GNE: variants seen among roughly 807,000 people sequenced by gnomAD.
GNE encodes the protein glucosamine (UDP-N-acetyl)-2-epimerase/N-acetylmannosamine kinase, also known as bifunctional UDP-N-acetylglucosamine 2-epimerase/N-acetylmannosamine kinase.
A neutral mutation model predicts 61.8 loss-of-function variants in GNE; 41 were observed. That is an observed-to-expected ratio of 0.66 (90% CI 0.52 to 0.86). The LOEUF (loss-of-function observed/expected upper bound fraction) is 0.86, where lower values mean the gene tolerates loss of function less well. Among genes scored for constraint, GNE ranks in the 40% least tolerant of loss-of-function variants. The pLI is 0.00. For synonymous variants in GNE, 264 were observed against 326.4 expected, an observed-to-expected ratio of 0.81 and a Z score of 2.06; for missense variants, 608 against 909.1, an observed-to-expected ratio of 0.67 and a Z score of 4.26.
chr9:36,245,247 G>A (rs1829820862), intron 3 of GNE, among the ~76,000 whole-genome samples: 1 of 151,920 alleles, frequency 6.6e-6, no homozygotes, highest in Non-Finnish European at 1.5e-5. Flanking sequence ...CTGGATGACA[G>A]AGCAAGACTC....
At chr9:36,264,674 C>G (rs762842521) in intron 1 of GNE, among the ~76,000 whole-genome samples, 4 of 152,120 alleles carry the variant, frequency 2.6e-5, no homozygotes, top group Non-Finnish European at 5.9e-5. Context: ...ATCCCTAGGC[C>G]TAGTTAGGAA....
At chr9:36,261,517 C>T (rs954880583), upstream of GNE, among the ~76,000 whole-genome samples, 3 of 147,650 alleles carry the variant, frequency 2.0e-5, no homozygotes, top group African/African-American at 7.6e-5. Context: ...CGTGCCACTG[C>T]ACTCCAGCCT....
At chr9:36,230,805 AG>A (rs11320858) in intron 5 of GNE, among the ~76,000 whole-genome samples, 126 of 152,166 alleles carry the variant, frequency 8.3e-4, no homozygotes, top group African/African-American at 2.9e-3. Flanking sequence ...TCTTGACCCA[AG>A]CTAGGGTCGA....
chr9:36,246,099 C>G lies in GNE; in HGVS notation c.548G>C (p.Cys183Ser), dbSNP rs1220463521. ...TGAGAGAAGTTTGTCATAGGAAGGG[C>G]AGCCTGCCAAAAGGATGCGATCATG... ...EDHDRILLAG[C>S]PSYDKLLSAK... The change falls in exon 3 of 12, where the codon TGC (cysteine) becomes TCC (serine). Residue 183 changes from cysteine (C) to serine (S), a missense_variant. Transcript: ENST00000642385. 1.2e-6 allele frequency: 2 copies of G among 1,614,210 alleles called. No homozygotes were observed. Among genetic ancestry groups the G allele is most frequent in the Non-Finnish European group, 1.7e-6 (2 of 1,180,028 alleles).
At chr9:36,225,308 A>G (rs1448628723) in intron 7 of GNE, among the ~76,000 whole-genome samples, 3 of 152,148 alleles carry the variant, frequency 2.0e-5, no homozygotes, top group African/African-American at 4.8e-5. Context: ...TATCTCAAAT[A>G]TAGGGTTAGA....
intron 3 of GNE, among the ~76,000 whole-genome samples, chr9:36,240,852 T>C (rs1397703899): frequency 1.3e-5 from 2 of 152,194 alleles, no homozygotes; most frequent in African/African-American, 2.4e-5. Context: ...CTGTTCAGGG[T>C]ATGTAATTCT....
intron 6 of GNE, 108 bp from the exon 7 acceptor site, chr9:36,227,566 T>C (rs1266865484): frequency 1.3e-6 from 1 of 764,182 alleles, no homozygotes; most frequent in African/African-American, 1.7e-5. Context: ...AAATAATTCA[T>C]GCTTCTTCCT....
At chr9:36,259,895 T>A (rs1258702831), upstream of GNE, among the ~76,000 whole-genome samples, 3 of 152,038 alleles carry the variant, frequency 2.0e-5, no homozygotes, top group Admixed American at 2.0e-4. Flanking sequence ...CTCCCGACCT[T>A]AGGTGATCCG....
intron 4 of GNE, 81 bp downstream of exon 4, chr9:36,236,751 T>C: frequency 8.4e-7 from 1 of 1,196,756 alleles, no homozygotes; most frequent in African/African-American, 1.5e-5. Context: ...ATGAGCAAGA[T>C]AGGAAGGCAG....
Position 36,275,600 on chromosome 9 carries a change from A to C in GNE, c.51+1294T>G, listed in dbSNP as rs1831231850. On this transcript the variant is annotated intron_variant, in intron 1 of 11. Coordinates refer to the GNE transcript ENST00000396594. ...GCCATATTTTTAAAGTCAGTTATAC[A>C]AAAAAAATGGATGGAGAGATGAGTA... Among the ~76,000 whole-genome samples, 9 of 152,002 alleles carry C rather than the reference A, an allele frequency of 5.9e-5. No homozygotes were observed. In the South Asian group the frequency reaches 1.9e-3, roughly 32 times the overall value.
At chr9:36,223,216 T>C (rs1685522201) in intron 8 of GNE, among the ~76,000 whole-genome samples, 157 bp downstream of exon 8, 1 of 152,210 alleles carries the variant, frequency 6.6e-6, no homozygotes, top group Admixed American at 6.5e-5. Context: ...TGCTTGTTGG[T>C]GTCCCAGGAA....
chr9:36,247,963 T>C (rs926894966), intron 2 of GNE, among the ~76,000 whole-genome samples: 4 of 145,806 alleles, frequency 2.7e-5, no homozygotes, highest in Non-Finnish European at 4.5e-5. Flanking sequence ...GAGGTGGAAG[T>C]TGCAGTGAGC....
rs750943144 is a variant in GNE at position 36,218,299 on chromosome 9, T to C, written c.1817A>G (p.Glu606Gly). 1.2e-6 allele frequency: 2 copies of C among 1,609,442 alleles called. No homozygotes were observed. The highest frequency in any genetic ancestry group is 2.2e-5 in the South Asian group (2 of 90,966). The change falls in exon 11 of 12, where the codon GAG becomes GGG. Residue 606 changes from glutamate to glycine, a missense_variant and splice_region_variant. Physicochemically the swap from Glu to Gly is moderately conservative, Grantham distance 98. Coordinates refer to ENST00000642385, the MANE Select transcript of GNE (RefSeq NM_005476.7). This position sits in a 1 kb window ranked among gnomAD's most constrained non-coding sequence, Gnocchi z 4.1. ...CATCCCTTCCACCAAGAGCAGGTCC[T>C]CTGAACAGAGTGAGAAGGAAAAGCA... ...LQREAKKLHDEDLLLVEGMSV... is the reference protein window; with the variant it reads ...LQREAKKLHDGDLLLVEGMSV...
At chr9:36,219,770 T>C (rs1308884418) in intron 10 of GNE, 68 bp downstream of exon 10, 159 of 1,391,874 alleles carry the variant, frequency 1.1e-4, no homozygotes, top group Admixed American at 3.2e-4. Context: ...CAGCTGTCTT[T>C]GGAATTTCCA....
Position 36,266,356 on chromosome 9 carries a change from C to T in GNE, c.51+10538G>A, listed in dbSNP as rs116836129. On this transcript the variant is annotated intron_variant, in intron 1 of 11. Transcript: ENST00000396594. ...CTTACAAACCAGATATCACTGCATA[C>T]GCCAGATTGTTTATAGCCTCCCCAG... Among the ~76,000 whole-genome samples the T allele has an allele frequency of 1.7e-3, 253 of 152,360 alleles. 1 individual carries two copies. The highest frequency in any genetic ancestry group is 5.5e-3 in the African/African-American group (229 of 41,576).
At chr9:36,226,880 C>T (rs1260440971) in intron 7 of GNE, among the ~76,000 whole-genome samples, 1 of 152,124 alleles carries the variant, frequency 6.6e-6, no homozygotes, top group Non-Finnish European at 1.5e-5. Flanking sequence ...AGAGGCAGCT[C>T]CCTTCACCAT....
chr9:36,242,849 C>T (rs766287326), intron 3 of GNE, among the ~76,000 whole-genome samples: 3 of 148,894 alleles, frequency 2.0e-5, no homozygotes, highest in Non-Finnish European at 3.0e-5. Flanking sequence ...AAGCAATTCT[C>T]CTGCCTCAGC....
At chr9:36,272,239 T>C (rs887271311) in intron 1 of GNE, among the ~76,000 whole-genome samples, 1 of 152,178 alleles carries the variant, frequency 6.6e-6, no homozygotes, top group Non-Finnish European at 1.5e-5. Flanking sequence ...CCTTGCATGA[T>C]GTTATGCTAA....
Position 36,216,196 on chromosome 9 carries a change from A to G in GNE, c.*1169T>C, listed in dbSNP as rs1418407149. The G allele has an allele frequency of 2.3e-6, 1 of 438,616 alleles. No individual in the cohort carries two copies. Among genetic ancestry groups the G allele is most frequent in the South Asian group, 1.6e-5 (1 of 62,790 alleles). The allele number at this position is 438,616 out of a possible 1,614,324, so 27.2% of individuals were successfully genotyped here. ...AGGTATACATATGTCAAGGCTTATCAAATTGTAGGCTTTAAAAACAATAAA... is the reference window on the plus strand; with the variant it reads ...AGGTATACATATGTCAAGGCTTATCGAATTGTAGGCTTTAAAAACAATAAA... On this transcript the variant is annotated 3_prime_UTR_variant, in exon 12 of 12. Transcript: ENST00000642385.
Sources: gnomAD v4.1 joint callset for allele counts (sites outside exome capture counted in the v4.1 genomes callset) on GRCh38, gnomAD v4.1.1 for gene constraint, Gnocchi (gnomAD v3.1) non-coding constraint, MANE v1.5 for transcripts, NCBI Gene and HGNC (gene_info 2026-07-23, HGNC 2026-07-21) for gene names.